CDNF: variants seen among roughly 807,000 people sequenced by gnomAD.
CDNF encodes the protein cerebral dopamine neurotrophic factor.
A neutral mutation model predicts 14.8 loss-of-function variants in CDNF; 9 were observed. The ratio of observed to expected loss-of-function variants is 0.61; its 90% CI spans 0.37 to 1.06. CDNF has a LOEUF of 1.06. Among genes scored for constraint, CDNF ranks in the 50% least tolerant of loss-of-function variants. The pLI is 0.01. For synonymous variants in CDNF, 86 were observed against 87.2 expected (o/e 0.99, Z 0.07); for missense variants, 228 against 228.4 (o/e 1.00, Z 0.01).
chr10:14,820,388 C>G (rs997999857), intron 3 of CDNF, among the ~76,000 whole-genome samples: 1 of 151,968 alleles, frequency 6.6e-6, no homozygotes, highest in Non-Finnish European at 1.5e-5. Flanking sequence ...AACAGCAGAT[C>G]AAAAATATTC....
intron 1 of CDNF, among the ~76,000 whole-genome samples, chr10:14,831,551 C>T (rs193301082): frequency 0.017 from 2,470 of 146,622 alleles, 66 homozygotes; most frequent in African/African-American, 0.058. Context: ...TACATATATA[C>T]ACACACACAC....
intron 1 of CDNF, among the ~76,000 whole-genome samples, chr10:14,830,491 A>C (rs1220484354): frequency 2.6e-5 from 4 of 152,072 alleles, no homozygotes; most frequent in African/African-American, 9.7e-5. Context: ...TCTATTTCTT[A>C]GAACTTTAAC....
intron 1 of CDNF, among the ~76,000 whole-genome samples, chr10:14,836,607 C>A (rs925202786): frequency 6.6e-6 from 1 of 152,170 alleles, no homozygotes; most frequent in African/African-American, 2.4e-5. Context: ...TTAATTATTG[C>A]AGAGCTCATA....
chr10:14,828,063 G>T (rs959170057), intron 2 of CDNF, 82 bp downstream of exon 2: 1 of 1,402,226 alleles, frequency 7.1e-7, no homozygotes, highest in Non-Finnish European at 1.0e-6. Context: ...ATGTAAGTAG[G>T]AGGACTTCAC....
At chr10:14,826,176 C>CAGCAGAAGAAGAAGAAGAATAAGA (rs1564313595) in intron 2 of CDNF, among the ~76,000 whole-genome samples, 6 of 131,256 alleles carry the variant, frequency 4.6e-5, no homozygotes, top group African/African-American at 1.5e-4. Flanking sequence ...GCAGAAGCAG[C>CAGCAGAAGAAGAAGAAGAATAAGA]AGCAGAAGCA....
At chr10:14,822,571 CAAAA>C (rs879883884) in intron 3 of CDNF, among the ~76,000 whole-genome samples, 1 of 135,930 alleles carries the variant, frequency 7.4e-6, no homozygotes. Context: ...GTGAGACTGT[CAAAA>C]AAAAAAAAAG....
rs965672559 is a variant in CDNF, at chr10:14,819,694, T to C, written c.*286A>G. 3.8e-6 allele frequency: 1 copy of C among 263,492 alleles called. No individual in the cohort carries two copies. Among genetic ancestry groups the C allele is most frequent in the Non-Finnish European group, 7.1e-6 (1 of 141,030 alleles). The allele number at this position is 263,492 out of a possible 1,614,324, so 16.3% of individuals were successfully genotyped here. ...CTTGGAATCAATTTACTCCATCAAT[T>C]TGTCAGTAGGTCACTTTTAGGAGAC... On this transcript the variant is annotated 3_prime_UTR_variant, in exon 4 of 4. Coordinates refer to ENST00000465530, the MANE Select transcript of CDNF (RefSeq NM_001029954.3).
At chr10:14,828,061 A>C (rs1306043305) in intron 2 of CDNF, 84 bp downstream of exon 2, 1 of 1,381,892 alleles carries the variant, frequency 7.2e-7, no homozygotes, top group Non-Finnish European at 1.0e-6. Flanking sequence ...ACATGTAAGT[A>C]GGAGGACTTC....
intron 3 of CDNF, among the ~76,000 whole-genome samples, chr10:14,821,619 A>T (rs572917480): frequency 1.3e-5 from 2 of 152,314 alleles, no homozygotes; most frequent in East Asian, 1.9e-4. Context: ...GTACTGAAGG[A>T]CAACAGTGTA....
intron 3 of CDNF, among the ~76,000 whole-genome samples, chr10:14,822,946 CA>C (rs1332124654): frequency 1.3e-5 from 2 of 152,220 alleles, no homozygotes; most frequent in African/African-American, 4.8e-5. Flanking sequence ...AACATTCTTT[CA>C]GGTCAAAAAC....
In CDNF at chr10:14,837,908, G is replaced by A. The variant is rs762215333; in HGVS notation, c.39C>T (p.Cys13=). 1.9e-6 allele frequency: 3 copies of A among 1,606,620 alleles called. No homozygotes were observed. The highest frequency in any genetic ancestry group is 1.1e-5 in the South Asian group (1 of 90,106). ...CASPVAVVAF[C]AGLLVSHPVL... ...CCGGGTGAGAGACCAAAAGCCCGGC[G>A]CAAAAGGCCACCACAGCAACTGGGC... Residue 13 remains cysteine (C), a synonymous_variant, in exon 1 of 4, where the codon TGC becomes TGT. Coordinates refer to ENST00000465530, the MANE Select transcript of CDNF (RefSeq NM_001029954.3).
intron 3 of CDNF, among the ~76,000 whole-genome samples, chr10:14,824,508 C>T (rs562664900): frequency 3.3e-5 from 5 of 150,476 alleles, no homozygotes; most frequent in East Asian, 2.0e-4. Context: ...CGGGAGGCTC[C>T]GGCAGGAGAA....
intron 1 of CDNF, among the ~76,000 whole-genome samples, chr10:14,831,549 TAC>T (rs879601256): frequency 1.1e-3 from 159 of 147,268 alleles, no homozygotes; most frequent in East Asian, 3.8e-3. Flanking sequence ...AATACATATA[TAC>T]ACACACACAC....
intron 1 of CDNF, among the ~76,000 whole-genome samples, chr10:14,835,032 A>G (rs946385024): frequency 6.6e-6 from 1 of 152,156 alleles, no homozygotes; most frequent in African/African-American, 2.4e-5. Flanking sequence ...AGGCTAGGTG[A>G]CCAGGTAGTT....
At chr10:14,825,336 GTAC>G in intron 3 of CDNF, 140 bp downstream of exon 3, 2 of 755,730 alleles carry the variant, frequency 2.6e-6, no homozygotes, top group Non-Finnish European at 4.4e-6. Flanking sequence ...ATGCCCATAG[GTAC>G]CATTCATCAG....
chr10:14,822,000 A>G (rs929199496), intron 3 of CDNF, among the ~76,000 whole-genome samples: 63 of 152,240 alleles, frequency 4.1e-4, no homozygotes, highest in African/African-American at 1.4e-3. Context: ...ATAAAAATGT[A>G]AAGAAATGCA....
rs1374565008 is a variant in CDNF at position 14,826,149 on chromosome 10, GAGAAGA to G, written c.244-535_244-530del. Among the ~76,000 whole-genome samples the G allele has an allele frequency of 1.6e-4, 20 of 122,630 alleles. 1 individual carries two copies. Among genetic ancestry groups the G allele is most frequent in the African/African-American group, 4.0e-4 (11 of 27,656 alleles). The allele number at this position is 122,630 out of a possible 152,430, so 80.5% of individuals were successfully genotyped here. On this transcript the variant is annotated intron_variant, in intron 2 of 3. Coordinates refer to ENST00000465530, the MANE Select transcript of CDNF (RefSeq NM_001029954.3). ...GAAGCAGGAGAAGGAGAAGGAGAAG[GAGAAGA>G]AGAAGAAGAAGCAGAAGCAGCAGCA...
rs550622988 is a variant in CDNF, at chr10:14,834,963, T to G, written c.115+2869A>C. The stretch of plus-strand genomic sequence containing the variant: ...GAAAGGAGCAGGACCAGTCAGGAGG[T>G]AGACTCAACGATGTAGTGATTGGTT... On this transcript the variant is annotated intron_variant, in intron 1 of 3. Transcript: ENST00000465530. Among the ~76,000 whole-genome samples, 67 of 151,998 alleles carry G rather than the reference T, an allele frequency of 4.4e-4. 1 individual carries two copies. In the Middle Eastern group the frequency reaches 0.014, roughly 31 times the overall value.
Position 14,828,174 on chromosome 10 carries a change from A to G in CDNF, c.214T>C (p.Leu72=). 2 of 1,614,114 alleles carry G rather than the reference A, an allele frequency of 1.2e-6. No individual in the cohort carries two copies. The highest frequency in any genetic ancestry group is 1.7e-6 in the Non-Finnish European group (2 of 1,179,948). The change falls in exon 2 of 4, where the codon TTG becomes CTG. Residue 72 remains leucine, a synonymous_variant. Transcript: ENST00000465530. ...TIEKELISFC[L]DTKGKENRLC... Reference sequence around the variant, plus strand: ...CGGTTTTCTTTTCCTTTGGTGTCCAAGCAAAAACTGATCAATTCTTTCTCT... The same window carrying G: ...CGGTTTTCTTTTCCTTTGGTGTCCAGGCAAAAACTGATCAATTCTTTCTCT...
Sources: allele counts gnomAD v4.1 joint callset (sites outside exome capture counted in the v4.1 genomes callset), GRCh38; gene constraint gnomAD v4.1.1; transcripts MANE v1.5; gene names NCBI Gene and HGNC (gene_info 2026-07-23, HGNC 2026-07-21).